The following TMEM225B variants were observed in gnomAD, a reference collection of about 807,000 sequenced individuals.
The protein encoded by TMEM225B is transmembrane protein 225-like.
Under a neutral mutation model 16.9 loss-of-function variants are expected in TMEM225B, and 10 were observed. That is an observed-to-expected ratio of 0.59 (90% CI 0.36 to 1.00). TMEM225B has a LOEUF of 1.00. Ranked by LOEUF, TMEM225B falls within the 50% of genes least tolerant of loss-of-function variation. The probability of loss-of-function intolerance (pLI) is 0.01; values close to 1 mark genes in which losing one functional copy is unlikely to be tolerated. For missense variants in TMEM225B, 217 were observed against 267.0 expected, an observed-to-expected ratio of 0.81 and a Z score of 1.30; for synonymous variants, 92 against 109.8, an observed-to-expected ratio of 0.84 and a Z score of 1.01.
At chr7:99,606,963 C>A in intron 4 of TMEM225B, 69 bp downstream of exon 4, 1 of 1,497,102 alleles carries the variant, frequency 6.7e-7, no homozygotes, top group Non-Finnish European at 9.0e-7. Flanking sequence ...AAGAGGGGTG[C>A]TCAGTCTCTG....
Position 99,600,227 on chromosome 7 carries a change from C to T in TMEM225B, c.-62C>T. Reference sequence around the variant, plus strand: ...TAGCAGTTCCAAGAGCCTCTGAGTTCCTGCCTTTTTTCATCTCTGAATCCC... The same window carrying T: ...TAGCAGTTCCAAGAGCCTCTGAGTTTCTGCCTTTTTTCATCTCTGAATCCC... On this transcript the variant is annotated 5_prime_UTR_variant, in exon 2 of 6. Transcript: ENST00000431679. 1 of 702,978 alleles carries T rather than the reference C, an allele frequency of 1.4e-6. No individual in the cohort carries two copies. The highest frequency in any genetic ancestry group is 2.6e-6 in the Non-Finnish European group (1 of 384,986). The allele number at this position is 702,978 out of a possible 1,614,324, so 43.5% of individuals were successfully genotyped here.
intron 2 of TMEM225B, among the ~76,000 whole-genome samples, chr7:99,600,805 G>A (rs924479245): frequency 6.6e-6 from 1 of 152,148 alleles, no homozygotes; most frequent in Non-Finnish European, 1.5e-5. Context: ...GAGGCCAGAG[G>A]AGCCTGGGGA....
chr7:99,605,595 ATTT>A, intron 3 of TMEM225B: 1 of 147,228 alleles, frequency 6.8e-6, no homozygotes, highest in South Asian at 2.2e-4. Flanking sequence ...CTCCCAGCTA[ATTT>A]TTTAATTTTA....
rs1805838799 is a variant in TMEM225B at position 99,606,703 on chromosome 7, G to A, written c.209-45G>A. ...GGCTCTGAGGGACTCTGACCTTTCC[G>A]GGTCAGGGTTCCCAGCTTCAGCCCC... On this transcript the variant is annotated intron_variant, in intron 3 of 5. Coordinates refer to ENST00000431679, the MANE Select transcript of TMEM225B (RefSeq NM_001195541.3). 3.9e-6 allele frequency: 6 copies of A among 1,527,216 alleles called. No homozygotes were observed. In the East Asian group the frequency reaches 1.5e-4, roughly 37 times the overall value. The allele number at this position is 1,527,216 out of a possible 1,614,324, so 94.6% of individuals were successfully genotyped here. A position where few individuals can be genotyped will look rare whatever the true frequency, so the allele number is the denominator to read the frequency against.
chr7:99,602,748 T>A (rs1805470960), intron 2 of TMEM225B, among the ~76,000 whole-genome samples: 1 of 152,180 alleles, frequency 6.6e-6, no homozygotes, highest in Admixed American at 6.6e-5. Context: ...GGTCTTGCTT[T>A]GTTGCCCAGG....
chr7:99,608,858 T>TATATATATATATATATACACACAC (rs536627768), intron 5 of TMEM225B, among the ~76,000 whole-genome samples: 9 of 144,388 alleles, frequency 6.2e-5, no homozygotes, highest in African/African-American at 2.5e-4. Context: ...TATATATATA[T>TATATATATATATATATACACACAC]ACACACACAC....
At position 99,604,590 on chromosome 7, in the gene TMEM225B, T is replaced by G. The variant is rs1805635373; in HGVS notation, c.202T>G (p.Leu68Val). Residue 68 changes from leucine (L) to valine (V), a missense_variant, in exon 3 of 6, where the codon TTA (leucine) becomes GTA (valine). Coordinates refer to ENST00000431679, the MANE Select transcript of TMEM225B (RefSeq NM_001195541.3). Reference sequence around the variant, plus strand: ...TGCCAAATGCTGGAAGCCTCGACCCTTATCCAGTAAGGAGGGATGGAGGCG... The same window carrying G: ...TGCCAAATGCTGGAAGCCTCGACCCGTATCCAGTAAGGAGGGATGGAGGCG... ...FNAKCWKPRP[L>V]SIYIILGRVF... 6.5e-7 allele frequency: 1 copy of G among 1,535,568 alleles called. No homozygotes were observed. The highest frequency in any genetic ancestry group is 1.4e-5 in the African/African-American group (1 of 73,106).
At chr7:99,602,421 C>A (rs1025575393) in intron 2 of TMEM225B, among the ~76,000 whole-genome samples, 5 of 152,224 alleles carry the variant, frequency 3.3e-5, no homozygotes, top group Admixed American at 1.3e-4. Flanking sequence ...CCAACTTTAA[C>A]CAAGCACCTG....
intron 5 of TMEM225B, among the ~76,000 whole-genome samples, chr7:99,609,573 C>T (rs1806162322): frequency 6.6e-6 from 1 of 151,678 alleles, no homozygotes; most frequent in South Asian, 2.1e-4. Flanking sequence ...GTAGCTGGGA[C>T]TACAGGCATG....
chr7:99,606,714 C>T (rs1199885031), intron 3 of TMEM225B, 34 bp from the exon 4 acceptor site: 2 of 1,533,222 alleles, frequency 1.3e-6, no homozygotes, highest in South Asian at 2.4e-5. Context: ...GGTCAGGGTT[C>T]CCAGCTTCAG....
intron 2 of TMEM225B, among the ~76,000 whole-genome samples, chr7:99,603,483 G>C (rs1209668286): frequency 6.6e-6 from 1 of 152,166 alleles, no homozygotes; most frequent in Non-Finnish European, 1.5e-5. Context: ...CCTGAGGTCA[G>C]GAGTTCGAGA....
intron 1 of TMEM225B, among the ~76,000 whole-genome samples, chr7:99,599,304 C>CCAGA (rs771479659): frequency 8.1e-4 from 123 of 152,160 alleles, no homozygotes; most frequent in Non-Finnish European, 1.6e-3. Flanking sequence ...AATAATTTGG[C>CCAGA]CAGACGTGGG....
intron 5 of TMEM225B, 38 bp from the exon 6 acceptor site, chr7:99,610,355 C>G (rs538992615): frequency 4.0e-5 from 61 of 1,521,786 alleles, no homozygotes; most frequent in Non-Finnish European, 5.1e-5. Flanking sequence ...GAGCTCTGGA[C>G]TTTCTCTGAC....
intron 5 of TMEM225B, among the ~76,000 whole-genome samples, chr7:99,608,795 G>A (rs1806060920): frequency 6.8e-6 from 1 of 147,944 alleles, no homozygotes; most frequent in Non-Finnish European, 1.5e-5. Context: ...ATATGTATGT[G>A]TGTATATATG....
intron 3 of TMEM225B, among the ~76,000 whole-genome samples, chr7:99,606,169 C>T (rs1805794302): frequency 6.6e-6 from 1 of 152,242 alleles, no homozygotes; most frequent in African/African-American, 2.4e-5. Flanking sequence ...GTGGCTCACG[C>T]CTGTCATCCC....
At chr7:99,600,178 G>C (rs1448833519) in intron 1 of TMEM225B, 27 bp from the exon 2 acceptor site, 1 of 702,872 alleles carries the variant, frequency 1.4e-6, no homozygotes, top group Non-Finnish European at 2.6e-6. Flanking sequence ...TGCATCACAT[G>C]ATGTGTTTCT....
At position 99,607,699 on chromosome 7, in the gene TMEM225B, C is replaced by T. The variant is rs1029897524; in HGVS notation, c.382C>T (p.Leu128=). ...TGACAFLALV[L]HALEIKALRM... is the part of the protein sequence containing the mutation. ...GGCCTGTGCCTTCCTGGCTTTGGTG[C>T]TGCATGCCCTGGAGATCAAGGCTCT... Residue 128 remains leucine, a synonymous_variant, in exon 5 of 6, where the codon CTG becomes TTG. Transcript: ENST00000431679. 6.5e-7 allele frequency: 1 copy of T among 1,535,906 alleles called. No individual in the cohort carries two copies. Among genetic ancestry groups the T allele is most frequent in the African/African-American group, 1.4e-5 (1 of 73,038 alleles).
At position 99,610,377 on chromosome 7, in the gene TMEM225B, G is replaced by A. The variant is rs180997509; in HGVS notation, c.494-16G>A. On this transcript the variant is annotated splice_polypyrimidine_tract_variant and intron_variant, in intron 5 of 5. Coordinates refer to ENST00000431679, the MANE Select transcript of TMEM225B (RefSeq NM_001195541.3). ...GGACTTTCTCTGACCTGACCCAAAC[G>A]TTGGCTGTTCCCTAGGTACCATCTG... is the stretch of plus-strand genomic sequence containing the variant. The A allele has an allele frequency of 1.5e-5, 23 of 1,533,706 alleles. No homozygotes were observed. Among genetic ancestry groups the A allele is most frequent in the Middle Eastern group, 2.1e-4 (1 of 4,780 alleles).
At chr7:99,598,715 G>T (rs960172389) in intron 1 of TMEM225B, among the ~76,000 whole-genome samples, 3 of 152,172 alleles carry the variant, frequency 2.0e-5, no homozygotes, top group African/African-American at 7.2e-5. Context: ...GGAAACAGTG[G>T]GAAGGGAAGG....
Sources: allele counts gnomAD v4.1 joint callset (sites outside exome capture counted in the v4.1 genomes callset), GRCh38; gene constraint gnomAD v4.1.1; transcripts MANE v1.5; gene names NCBI Gene and HGNC (gene_info 2026-07-23, HGNC 2026-07-21).